The following CC2D2B variants were observed in gnomAD, a reference collection of about 807,000 sequenced individuals.
The protein encoded by CC2D2B is coiled-coil and C2 domain containing 2B.
In CC2D2B, 128 loss-of-function variants were observed where a neutral mutation model predicts 161.2. That is an observed-to-expected ratio of 0.79 (90% CI 0.69 to 0.92). The LOEUF (loss-of-function observed/expected upper bound fraction) is 0.92. CC2D2B is among the 40% of genes least tolerant of loss of function. The pLI is 0.00. For missense variants in CC2D2B, 1,173 were observed against 1,375.1 expected (o/e 0.85, Z 2.32); for synonymous variants, 391 against 449.8 (o/e 0.87, Z 1.65).
At chr10:95,913,656 A>G (rs767498710) in intron 2 of CC2D2B, among the ~76,000 whole-genome samples, 112 of 152,222 alleles carry the variant, frequency 7.4e-4, no homozygotes, top group Middle Eastern at 3.4e-3. Context: ...GTTAAAAGCC[A>G]TTTTAAGTGA....
At chr10:96,024,181 A>T (rs1032200138) in intron 32 of CC2D2B, among the ~76,000 whole-genome samples, 7 of 152,224 alleles carry the variant, frequency 4.6e-5, no homozygotes, top group African/African-American at 2.4e-5. Flanking sequence ...AGAAACGTGG[A>T]ATAGCACTGT....
chr10:95,979,108 C>T (rs954175998), intron 17 of CC2D2B, among the ~76,000 whole-genome samples: 2 of 150,116 alleles, frequency 1.3e-5, no homozygotes, highest in African/African-American at 4.9e-5. Flanking sequence ...TTTTGGTTAG[C>T]AGTGTCATTT....
intron 11 of CC2D2B, among the ~76,000 whole-genome samples, chr10:95,961,293 T>C (rs2076750953): frequency 6.6e-6 from 1 of 152,110 alleles, no homozygotes; most frequent in Admixed American, 6.6e-5. Context: ...TTTAGGAGGC[T>C]GAGGCAGGCA....
intron 18 of CC2D2B, among the ~76,000 whole-genome samples, chr10:95,983,330 C>T (rs2077599606): frequency 1.3e-5 from 2 of 152,188 alleles, no homozygotes; most frequent in South Asian, 2.1e-4. Flanking sequence ...CAGATAGGAA[C>T]AGTCTCATCT....
rs2079822045 is a variant in CC2D2B, at chr10:96,027,205, A to G, written c.3948-7A>G. The G allele has an allele frequency of 6.7e-7, 1 of 1,503,374 alleles. No homozygotes were observed. Among genetic ancestry groups the G allele is most frequent in the South Asian group, 1.3e-5 (1 of 76,878 alleles). The allele number at this position is 1,503,374 out of a possible 1,614,324, so 93.1% of individuals were successfully genotyped here. On this transcript the variant is annotated splice_polypyrimidine_tract_variant and splice_region_variant and intron_variant, in intron 33 of 34. Transcript: ENST00000646931. ...GTCATAAAATTACCTTTGGATTCTT[A>G]CCTTAGGATCGAAAGGACTCTGAAG...
At chr10:95,985,950 T>C (rs1251020731) in intron 19 of CC2D2B, among the ~76,000 whole-genome samples, 1 of 152,158 alleles carries the variant, frequency 6.6e-6, no homozygotes, top group African/African-American at 2.4e-5. Flanking sequence ...TCCCGCCTAA[T>C]AAATTTTGGT....
chr10:95,951,730 T>C (rs2076407013), intron 10 of CC2D2B, among the ~76,000 whole-genome samples: 2 of 152,200 alleles, frequency 1.3e-5, no homozygotes. Context: ...AATTTTAGTT[T>C]ATTAGAGTAC....
intron 33 of CC2D2B, among the ~76,000 whole-genome samples, chr10:96,025,172 T>TAAAAAA (rs1564683838): frequency 2.8e-4 from 5 of 17,626 alleles, no homozygotes; most frequent in Admixed American, 8.3e-4. Context: ...TATATATATA[T>TAAAAAA]ATATATATAT....
Position 95,982,112 on chromosome 10 carries a change from C to T in CC2D2B, c.2081C>T (p.Thr694Met), listed in dbSNP as rs927428514. Residue 694 changes from threonine (T) to methionine (M), a missense_variant and splice_region_variant, in exon 18 of 35, where the codon ACG (threonine) becomes ATG (methionine). Transcript: ENST00000646931. ...PEYSDLMESV[T>M]YMRLKGQDIP... The stretch of plus-strand genomic sequence containing the variant: ...TATTCTGATTTAATGGAATCTGTTA[C>T]GGTAAGTTAAAGCAAATATCAATAC... The T allele has an allele frequency of 3.6e-5, 44 of 1,227,254 alleles. No individual in the cohort carries two copies. The highest frequency in any genetic ancestry group is 3.9e-5 in the Non-Finnish European group (38 of 983,826). 76.0% of individuals were successfully genotyped at this position (1,227,254 alleles called of 1,614,324 possible). A position where few individuals can be genotyped will look rare whatever the true frequency, so the allele number is the denominator to read the frequency against.
chr10:95,995,910 CCT>C (rs1303523011), intron 23 of CC2D2B, among the ~76,000 whole-genome samples: 3 of 152,084 alleles, frequency 2.0e-5, no homozygotes, highest in Non-Finnish European at 2.9e-5. Context: ...TATATTTTCC[CCT>C]GATAGACTTT....
intron 34 of CC2D2B, 93 bp downstream of exon 34, chr10:96,027,482 T>C: frequency 1.2e-6 from 1 of 853,356 alleles, no homozygotes; most frequent in Non-Finnish European, 1.8e-6. Context: ...TGAAAGGCCT[T>C]TTATCTTGAT....
chr10:95,931,665 G>A (rs2075602994), intron 6 of CC2D2B, among the ~76,000 whole-genome samples: 1 of 152,158 alleles, frequency 6.6e-6, no homozygotes, highest in Non-Finnish European at 1.5e-5. Flanking sequence ...GGAGCAGGTT[G>A]TTCAGTTTCC....
chr10:95,937,005 C>G (rs560085010), intron 6 of CC2D2B, among the ~76,000 whole-genome samples: 1 of 152,174 alleles, frequency 6.6e-6, no homozygotes, highest in South Asian at 2.1e-4. Flanking sequence ...TGTTGGCATA[C>G]TTTATTTAAA....
intron 15 of CC2D2B, among the ~76,000 whole-genome samples, chr10:95,971,811 C>CTTTATTTTTTATGTTATAT (rs2077145699): frequency 6.6e-6 from 1 of 151,710 alleles, no homozygotes; most frequent in Non-Finnish European, 1.5e-5. Flanking sequence ...TTATATGTAC[C>CTTTATTTTTTATGTTATAT]TCATATATTT....
At chr10:96,028,256 AG>A (rs1465342226) in intron 34 of CC2D2B, among the ~76,000 whole-genome samples, 1 of 152,218 alleles carries the variant, frequency 6.6e-6, no homozygotes, top group Non-Finnish European at 1.5e-5. Context: ...AGAATATATA[AG>A]GGGCCCAAAC....
chr10:96,015,768 AC>A (rs1452954438), intron 29 of CC2D2B, among the ~76,000 whole-genome samples: 1 of 152,148 alleles, frequency 6.6e-6, no homozygotes, highest in Non-Finnish European at 1.5e-5. Flanking sequence ...AGTTGACAGT[AC>A]TATATTGGTA....
intron 2 of CC2D2B, among the ~76,000 whole-genome samples, chr10:95,911,765 T>G (rs2098506741): frequency 6.6e-6 from 1 of 152,180 alleles, no homozygotes; most frequent in Non-Finnish European, 1.5e-5. Flanking sequence ...AATGAGAACT[T>G]ATGAAAAAGT....
chr10:95,968,919 A>C lies in CC2D2B; in HGVS notation c.1644+18A>C, dbSNP rs185284598. 7.5e-6 allele frequency: 9 copies of C among 1,203,230 alleles called. No homozygotes were observed. In the African/African-American group the frequency reaches 1.1e-4, roughly 15 times the overall value. The allele number at this position is 1,203,230 out of a possible 1,614,324, so 74.5% of individuals were successfully genotyped here. On this transcript the variant is annotated intron_variant, in intron 15 of 34. Coordinates refer to ENST00000646931, the MANE Select transcript of CC2D2B (RefSeq NM_001349008.3). ...GTTTGGAGGTATGCCATTGTCATTT[A>C]CTTTTGTATCTTATTTTATGCCATA...
At position 96,016,415 on chromosome 10, in the gene CC2D2B, A is replaced by G. The variant is rs1022872060; in HGVS notation, c.3630+101A>G. ...AAACCCAGGTTTCCATCTCTTCACA[A>G]ACTAATTTGGAATTTCATGGGCAAG... On this transcript the variant is annotated intron_variant, in intron 30 of 34. Coordinates refer to ENST00000646931, the MANE Select transcript of CC2D2B (RefSeq NM_001349008.3). 6.5e-6 allele frequency: 5 copies of G among 766,904 alleles called. No homozygotes were observed. The African/African-American group carries it at 8.7e-5, about 13-fold the overall frequency. The allele number at this position is 766,904 out of a possible 1,614,324, so 47.5% of individuals were successfully genotyped here. A position where few individuals can be genotyped will look rare whatever the true frequency, so the allele number is the denominator to read the frequency against.
Sources: allele counts gnomAD v4.1 joint callset (sites outside exome capture counted in the v4.1 genomes callset), GRCh38; gene constraint gnomAD v4.1.1; transcripts MANE v1.5; gene names NCBI Gene and HGNC (gene_info 2026-07-23, HGNC 2026-07-21).